Variants in ZNF473 observed in about 807,000 individuals in gnomAD.
The protein encoded by ZNF473 is zinc finger protein 473.
Under a neutral mutation model 11.1 loss-of-function variants are expected in ZNF473, and 4 were observed. The observed-to-expected ratio is 0.36, with a 90% confidence interval of 0.18 to 0.82. The LOEUF (loss-of-function observed/expected upper bound fraction) is 0.82, where lower values mean the gene tolerates loss of function less well. Among genes scored for constraint, ZNF473 ranks in the 40% least tolerant of loss-of-function variants. The pLI is 0.49. For synonymous variants in ZNF473, 404 were observed against 390.4 expected (o/e 1.03, Z -0.41); for missense variants, 854 against 1,084.0 (o/e 0.79, Z 2.98).
chr19:50,027,317 A>C (rs1316408265), intron 1 of ZNF473, among the ~76,000 whole-genome samples: 1 of 152,118 alleles, frequency 6.6e-6, no homozygotes, highest in Non-Finnish European at 1.5e-5. Flanking sequence ...TTATAAATCA[A>C]GTTCTGGTTT....
In ZNF473 at chr19:50,037,803, A is replaced by ACT. The variant is rs139135026; in HGVS notation, c.10-1344_10-1343dup. ...TCCAGCCTGGGCAACAGAGTGAGAC[A>ACT]CTCTCTCTCTCTCTCGCTCGCTCTC... On this transcript the variant is annotated intron_variant, in intron 2 of 4. Coordinates refer to ENST00000270617, the MANE Select transcript of ZNF473 (RefSeq NM_015428.4). Among the ~76,000 whole-genome samples the ACT allele has an allele frequency of 1.7e-3, 246 of 148,814 alleles. 1 individual carries two copies. Among genetic ancestry groups the ACT allele is most frequent in the African/African-American group, 5.4e-3 (216 of 40,196 alleles).
At position 50,033,356 on chromosome 19, in the gene ZNF473, G is replaced by C. The variant is rs75216234; in HGVS notation, c.9+2265G>C. ...GGAGCAGAGTGGATGAGCAGGAAAG[G>C]GGGAGAAGGTGAGCCCTGAGTGGCA... On this transcript the variant is annotated intron_variant, in intron 2 of 4. Transcript: ENST00000270617. Among the ~76,000 whole-genome samples, 1,681 of 152,222 alleles carry C rather than the reference G, an allele frequency of 0.011. 80 individuals are homozygous for C. In the East Asian group the frequency reaches 0.11, roughly 10 times the overall value.
At chr19:50,036,228 G>A (rs558102907) in intron 2 of ZNF473, among the ~76,000 whole-genome samples, 123 of 152,062 alleles carry the variant, frequency 8.1e-4, no homozygotes, top group Non-Finnish European at 1.4e-3. Flanking sequence ...TCAAAGTGCT[G>A]GAATTACAGG....
rs1395037373 is a variant in ZNF473 at position 50,045,697 on chromosome 19, A to G, written c.1254A>G (p.Leu418=). Residue 418 remains leucine (L), a synonymous_variant, in exon 5 of 5, where the codon CTA becomes CTG. Transcript: ENST00000270617. ...RGKSFRHNST[L]KIHQRVHSGE... Reference sequence around the variant, plus strand: ...AATCCTTCAGGCATAACTCTACCCTAAAGATCCATCAGAGGGTTCACAGTG... The same window carrying G: ...AATCCTTCAGGCATAACTCTACCCTGAAGATCCATCAGAGGGTTCACAGTG... 6.2e-7 allele frequency: 1 copy of G among 1,614,012 alleles called. No individual in the cohort carries two copies. The highest frequency in any genetic ancestry group is 1.7e-5 in the Admixed American group (1 of 59,994).
chr19:50,026,697 C>T (rs149219241), intron 1 of ZNF473, among the ~76,000 whole-genome samples: 2,931 of 151,558 alleles, frequency 0.019, 54 homozygotes, highest in Middle Eastern at 0.072. Context: ...AAAAATTAGC[C>T]GGGCGTGGTG....
Position 50,046,055 on chromosome 19 carries a change from G to A in ZNF473, c.1612G>A (p.Ala538Thr), listed in dbSNP as rs772221333. ...CCTGAAGTGCCACGAGAGTGTTCAC[G>A]CCAGAGAAAAACAAGGATTTTTTGT... Reference protein sequence around the residue: ...STLKCHESVHAREKQGFFVSG... With the variant: ...STLKCHESVHTREKQGFFVSG... The change falls in exon 5 of 5, where the codon GCC (alanine) becomes ACC (threonine). Residue 538 changes from alanine to threonine, a missense_variant. By Grantham distance (58) the Ala-to-Thr change is moderately conservative (BLOSUM62 0). Around this residue, in one of 2 missense-constraint regions of ZNF473, gnomAD observed 668 missense variants for 790.2 expected, o/e 0.85. Coordinates refer to ENST00000270617, the MANE Select transcript of ZNF473 (RefSeq NM_015428.4). The surrounding 1 kb of genome is among the most constrained non-coding windows in gnomAD (Gnocchi z 5.9). 21 of 1,614,066 alleles carry A rather than the reference G, an allele frequency of 1.3e-5. No homozygotes were observed. Among genetic ancestry groups the A allele is most frequent in the African/African-American group, 2.7e-5 (2 of 74,912 alleles).
intron 2 of ZNF473, among the ~76,000 whole-genome samples, chr19:50,035,989 ACT>A (rs919944160): frequency 1.3e-5 from 2 of 149,862 alleles, no homozygotes; most frequent in Non-Finnish European, 1.5e-5. Flanking sequence ...TGAGAGGGAG[ACT>A]CTGTTTTCTA....
At chr19:50,038,629 C>A (rs1978601812) in intron 2 of ZNF473, among the ~76,000 whole-genome samples, 1 of 152,150 alleles carries the variant, frequency 6.6e-6, no homozygotes, top group Non-Finnish European at 1.5e-5. Context: ...AGGGTATGGG[C>A]CCCCTGGATT....
Position 50,046,732 on chromosome 19 carries a change from C to T in ZNF473, c.2289C>T (p.Cys763=), listed in dbSNP as rs147792590. 1.0e-3 allele frequency: 1,630 copies of T among 1,613,978 alleles called. 2 individuals are homozygous for T. Among genetic ancestry groups the T allele is most frequent in the Non-Finnish European group, 1.3e-3 (1,513 of 1,180,022 alleles). ...AAAAGCCTTATGTTTGTCAGGAATG[C>T]GGGAAAGCCTTCACCCAGAGCTCAT... ...TGEKPYVCQE[C]GKAFTQSSCL... The change falls in exon 5 of 5, where the codon TGC becomes TGT. Residue 763 remains cysteine, a synonymous_variant. Coordinates refer to ENST00000270617, the MANE Select transcript of ZNF473 (RefSeq NM_015428.4). The surrounding 1 kb of genome is among the most constrained non-coding windows in gnomAD (Gnocchi z 5.9).
chr19:50,026,590 G>C (rs1225461114), intron 1 of ZNF473, among the ~76,000 whole-genome samples: 2 of 151,504 alleles, frequency 1.3e-5, no homozygotes, highest in African/African-American at 4.9e-5. Flanking sequence ...AAACCACCTT[G>C]GGAGGCTGAG....
Position 50,045,493 on chromosome 19 carries a change from C to T in ZNF473, c.1050C>T (p.Ser350=), listed in dbSNP as rs374939253. 6.8e-6 allele frequency: 11 copies of T among 1,614,074 alleles called. No homozygotes were observed. Among genetic ancestry groups the T allele is most frequent in the Non-Finnish European group, 9.3e-6 (11 of 1,180,032 alleles). The change falls in exon 5 of 5, where the codon TCC becomes TCT. Residue 350 remains serine, a synonymous_variant. Transcript: ENST00000270617. ...ACACTCGGAAACGCTATGAGTGTTC[C>T]AAGTGCCAGGCGACCTTCAACTTGA... ...KIHTRKRYEC[S]KCQATFNLRK...
In ZNF473 at chr19:50,048,326, T is replaced by A. The variant is rs1338247743; in HGVS notation, c.*1267T>A. 1 of 152,266 alleles carries A rather than the reference T, an allele frequency of 6.6e-6. No individual in the cohort carries two copies. Among genetic ancestry groups the A allele is most frequent in the African/African-American group, 2.4e-5 (1 of 41,464 alleles). The allele number at this position is 152,266 out of a possible 1,614,324, so 9.4% of individuals were successfully genotyped here. On this transcript the variant is annotated 3_prime_UTR_variant, in exon 5 of 5. Transcript: ENST00000270617. ...CCTTTGCTGAAACACAGTAGTCTTA[T>A]GAAAAGCACTGGACACATACTTTGA...
rs1222515133 is a variant in ZNF473, at chr19:50,048,080, C to T, written c.*1021C>T. 6.6e-6 allele frequency: 1 copy of T among 151,626 alleles called. No individual in the cohort carries two copies. The highest frequency in any genetic ancestry group is 2.4e-5 in the African/African-American group (1 of 40,852). The allele number at this position is 151,626 out of a possible 1,614,324, so 9.4% of individuals were successfully genotyped here. On this transcript the variant is annotated 3_prime_UTR_variant, in exon 5 of 5. Transcript: ENST00000270617. ...TATCCATACACTATGCACTACTGCT[C>T]TGAAGCTTCTGGAATCAGAAATGAA...
chr19:50,033,029 A>T (rs1252979152), intron 2 of ZNF473, among the ~76,000 whole-genome samples: 1 of 152,158 alleles, frequency 6.6e-6, no homozygotes, highest in African/African-American at 2.4e-5. Flanking sequence ...CCATTTCCAA[A>T]TAAGGGCAAA....
Position 50,045,558 on chromosome 19 carries a change from A to T in ZNF473, c.1115A>T (p.Lys372Ile). Residue 372 changes from lysine to isoleucine, a missense_variant, in exon 5 of 5, where the codon AAA becomes ATA. By Grantham distance (102) the Lys-to-Ile change is moderately radical. Coordinates refer to ENST00000270617, the MANE Select transcript of ZNF473 (RefSeq NM_015428.4). ...LIQHQKTHAA[K>I]TTSECQECGK... ...CAACATCAGAAAACTCACGCTGCAAAAACTACCTCTGAGTGTCAGGAGTGT... is the reference window on the plus strand; with the variant it reads ...CAACATCAGAAAACTCACGCTGCAATAACTACCTCTGAGTGTCAGGAGTGT... 1 of 1,614,170 alleles carries T rather than the reference A, an allele frequency of 6.2e-7. No individual in the cohort carries two copies. Among genetic ancestry groups the T allele is most frequent in the Non-Finnish European group, 8.5e-7 (1 of 1,180,032 alleles).
intron 1 of ZNF473, among the ~76,000 whole-genome samples, chr19:50,030,425 T>C (rs1297969755): frequency 6.6e-6 from 1 of 152,172 alleles, no homozygotes; most frequent in African/African-American, 2.4e-5. Context: ...GGAGGATTGC[T>C]TAAGCCCAGG....
rs879341474 is a variant in ZNF473 at position 50,044,660 on chromosome 19, GCT to G, written c.227-7_227-6del. 3.1e-6 allele frequency: 5 copies of G among 1,593,660 alleles called. No homozygotes were observed. The highest frequency in any genetic ancestry group is 3.4e-6 in the Non-Finnish European group (4 of 1,169,614). On this transcript the variant is annotated splice_region_variant and splice_polypyrimidine_tract_variant and intron_variant, in intron 4 of 4. Transcript: ENST00000270617. ...TAGTGAACAGGAGACATTTGCACTT[GCT>G]CTTTCAGATGTGACTGAGACCAAGA...
chr19:50,046,632 A>G lies in ZNF473; in HGVS notation c.2189A>G (p.Tyr730Cys). 1 of 1,614,232 alleles carries G rather than the reference A, an allele frequency of 6.2e-7. No homozygotes were observed. The highest frequency in any genetic ancestry group is 8.5e-7 in the Non-Finnish European group (1 of 1,180,034). ...HQRIHSGEKP[Y>C]VCDYCGKAFG... is the part of the protein sequence containing the mutation. ...AGAATTCACTCAGGTGAGAAGCCCT[A>G]TGTATGTGATTACTGCGGGAAGGCC... Residue 730 changes from tyrosine (Y) to cysteine (C), a missense_variant, in exon 5 of 5, where the codon TAT (tyrosine) becomes TGT (cysteine). Coordinates refer to ENST00000270617, the MANE Select transcript of ZNF473 (RefSeq NM_015428.4). This position sits in a 1 kb window ranked among gnomAD's most constrained non-coding sequence, Gnocchi z 5.9.
In ZNF473 at chr19:50,046,319, A is replaced by G. The variant is rs1470669410; in HGVS notation, c.1876A>G (p.Lys626Glu). 1.9e-6 allele frequency: 3 copies of G among 1,614,214 alleles called. No homozygotes were observed. Among genetic ancestry groups the G allele is most frequent in the East Asian group, 4.5e-5 (2 of 44,886 alleles). ...VRLYKWGEQG[K>E]AISSASLIKL... The stretch of plus-strand genomic sequence containing the variant: ...GCTGTATAAATGGGGTGAGCAAGGG[A>G]AAGCCATCAGCAGTGCCTCCCTTAT... Residue 626 changes from lysine (K) to glutamate (E), a missense_variant, in exon 5 of 5, where the codon AAA becomes GAA. Physicochemically the swap from Lys to Glu is moderately conservative, Grantham distance 56. Transcript: ENST00000270617. The surrounding 1 kb of genome is among the most constrained non-coding windows in gnomAD (Gnocchi z 5.9).
Sources: gnomAD v4.1 joint callset for allele counts (sites outside exome capture counted in the v4.1 genomes callset) on GRCh38, gnomAD v4.1.1 for gene constraint, gnomAD v4.1.1 regional missense constraint, Gnocchi (gnomAD v3.1) non-coding constraint, MANE v1.5 for transcripts, NCBI Gene and HGNC (gene_info 2026-07-23, HGNC 2026-07-21) for gene names.